RFX3: variants seen among roughly 807,000 people sequenced by gnomAD.
RFX3 encodes regulatory factor X3, also known as transcription factor RFX3.
RFX3 carries 14 observed loss-of-function variants against 98.6 expected under a neutral mutation model. That is an observed-to-expected ratio of 0.14 (90% CI 0.09 to 0.22). The LOEUF (loss-of-function observed/expected upper bound fraction) is 0.22. RFX3 is among the 10% of genes least tolerant of loss of function. RFX3 has a pLI of 1.00. For missense variants in RFX3, 639 were observed against 926.9 expected (o/e 0.69, Z 4.03); for synonymous variants, 383 against 328.4 (o/e 1.17, Z -1.80).
chr9:3,250,081 A>G (rs1174876711), intron 14 of RFX3, among the ~76,000 whole-genome samples: 2 of 152,050 alleles, frequency 1.3e-5, no homozygotes, highest in Non-Finnish European at 2.9e-5. Context: ...TAAGATTACA[A>G]TATAAGAGTT....
intron 1 of RFX3, 26 bp from the exon 2 acceptor site, chr9:3,395,622 A>G (rs762973521): frequency 1.9e-6 from 3 of 1,609,216 alleles, no homozygotes; most frequent in Non-Finnish European, 1.7e-6. Context: ...ATGAAATTAA[A>G]GTTTAAAATG....
intron 1 of RFX3, among the ~76,000 whole-genome samples, chr9:3,419,122 G>A (rs1421555793): frequency 6.6e-6 from 1 of 151,980 alleles, no homozygotes; most frequent in Non-Finnish European, 1.5e-5. Flanking sequence ...GTATAGCACT[G>A]GAACAATTTC....
At chr9:3,330,999 C>G (rs1185375531) in intron 3 of RFX3, among the ~76,000 whole-genome samples, 1 of 152,178 alleles carries the variant, frequency 6.6e-6, no homozygotes, top group Non-Finnish European at 1.5e-5. Flanking sequence ...TCATGGATCT[C>G]TTTCTTACCT....
chr9:3,265,433 A>G (rs1307269176), intron 12 of RFX3, among the ~76,000 whole-genome samples: 2 of 152,136 alleles, frequency 1.3e-5, no homozygotes, highest in East Asian at 1.9e-4. Context: ...AATAACTTCA[A>G]TTGCTCAACT....
intron 14 of RFX3, among the ~76,000 whole-genome samples, chr9:3,252,819 C>T (rs1444437951): frequency 6.6e-6 from 1 of 152,008 alleles, no homozygotes; most frequent in Non-Finnish European, 1.5e-5. Flanking sequence ...TTTATTGATC[C>T]TCAATTATAA....
intron 1 of RFX3, among the ~76,000 whole-genome samples, chr9:3,479,933 A>T (rs760636724): frequency 2.7e-4 from 41 of 152,346 alleles, no homozygotes; most frequent in South Asian, 6.2e-4. Flanking sequence ...AAGAGAAAAG[A>T]GTTGTTCATT....
At chr9:3,321,655 G>A (rs1831334076) in intron 4 of RFX3, among the ~76,000 whole-genome samples, 2 of 152,004 alleles carry the variant, frequency 1.3e-5, no homozygotes, top group Admixed American at 6.6e-5. Flanking sequence ...TTTCACCATT[G>A]CCTTTGTTTA....
intron 1 of RFX3, among the ~76,000 whole-genome samples, chr9:3,404,558 T>TA (rs1841789091): frequency 6.6e-6 from 1 of 152,130 alleles, no homozygotes; most frequent in Non-Finnish European, 1.5e-5. Flanking sequence ...ATAATTCCTT[T>TA]AAAATCTCCT....
chr9:3,442,408 A>G (rs1447635652), intron 1 of RFX3, among the ~76,000 whole-genome samples: 1 of 152,162 alleles, frequency 6.6e-6, no homozygotes, highest in East Asian at 1.9e-4. Context: ...TACTCCAAAA[A>G]GTATCTGGCC....
At chr9:3,432,257 G>A (rs1421483883) in intron 1 of RFX3, among the ~76,000 whole-genome samples, 6 of 152,068 alleles carry the variant, frequency 3.9e-5, no homozygotes, top group African/African-American at 9.7e-5. Flanking sequence ...AGTACCAAAG[G>A]CATCAAACTG....
At chr9:3,435,172 C>G (rs906311739) in intron 1 of RFX3, among the ~76,000 whole-genome samples, 1 of 152,008 alleles carries the variant, frequency 6.6e-6, no homozygotes, top group South Asian at 2.1e-4. Flanking sequence ...ACTTTATAAA[C>G]ACTGTATAAT....
intron 7 of RFX3, among the ~76,000 whole-genome samples, chr9:3,280,191 A>G (rs577001393): frequency 6.6e-6 from 1 of 151,934 alleles, no homozygotes; most frequent in East Asian, 1.9e-4. Flanking sequence ...GCAAGCCAGA[A>G]GCATATGTTA....
intron 3 of RFX3, among the ~76,000 whole-genome samples, chr9:3,332,233 G>A (rs1004948401): frequency 6.6e-6 from 1 of 152,072 alleles, no homozygotes; most frequent in African/African-American, 2.4e-5. Context: ...GATTTTTTCA[G>A]ATTTTGGAAT....
chr9:3,437,893 T>C (rs1165507543), intron 1 of RFX3, among the ~76,000 whole-genome samples: 1 of 151,918 alleles, frequency 6.6e-6, no homozygotes, highest in East Asian at 1.9e-4. Flanking sequence ...TTTTGAAAAA[T>C]ATATTCTACC....
At chr9:3,461,711 A>G (rs962357087) in intron 1 of RFX3, among the ~76,000 whole-genome samples, 3 of 151,980 alleles carry the variant, frequency 2.0e-5, no homozygotes, top group East Asian at 1.9e-4. Flanking sequence ...ACAAAATAAT[A>G]TAAGTATTAA....
intron 16 of RFX3, among the ~76,000 whole-genome samples, chr9:3,226,519 T>C (rs1422995963): frequency 2.0e-5 from 3 of 152,278 alleles, no homozygotes. Flanking sequence ...TAACATGCAT[T>C]ACCTAGAAAT....
intron 6 of RFX3, 94 bp from the exon 7 acceptor site, chr9:3,288,344 T>C (rs1826911250): frequency 1.7e-6 from 2 of 1,179,224 alleles, no homozygotes; most frequent in Non-Finnish European, 1.2e-6. Flanking sequence ...TTGGAAAAAT[T>C]TGGTAAAAAC....
chr9:3,299,267 T>A (rs888369048), intron 5 of RFX3, among the ~76,000 whole-genome samples: 1 of 151,772 alleles, frequency 6.6e-6, no homozygotes, highest in Non-Finnish European at 1.5e-5. Flanking sequence ...CCAGAATGCA[T>A]GCACTAGCAA....
chr9:3,234,538 G>A (rs1002928138), intron 15 of RFX3, among the ~76,000 whole-genome samples: 7 of 152,162 alleles, frequency 4.6e-5, no homozygotes, highest in Non-Finnish European at 8.8e-5. Context: ...CTAGTCGGGA[G>A]GCTAAGGTAG....
Sources: gnomAD v4.1 joint callset for allele counts (sites outside exome capture counted in the v4.1 genomes callset) on GRCh38, gnomAD v4.1.1 for gene constraint, MANE v1.5 for transcripts, NCBI Gene and HGNC (gene_info 2026-07-23, HGNC 2026-07-21) for gene names.